The following OPHN1 variants were observed in gnomAD, a reference collection of about 807,000 sequenced individuals.
The protein encoded by OPHN1 is oligophrenin-1.
OPHN1 carries 11 observed loss-of-function variants against 60.7 expected under a neutral mutation model. The observed-to-expected ratio is 0.18, with a 90% CI of 0.11 to 0.30. The LOEUF is 0.30. OPHN1 is among the 10% of genes least tolerant of loss of function. The pLI is 1.00. For missense variants in OPHN1, 449 were observed against 611.0 expected, an observed-to-expected ratio of 0.73 and a Z score of 2.80; for synonymous variants, 226 against 222.6, an observed-to-expected ratio of 1.02 and a Z score of -0.14.
At chrX:68,256,523 A>C (rs2077864505) in intron 5 of OPHN1, among the ~76,000 whole-genome samples, 1 of 111,519 alleles carries the variant, frequency 9.0e-6, no homozygotes, top group South Asian at 3.8e-4. Context: ...CTTAATATAC[A>C]GGCACACCTC....
At chrX:68,171,702 C>T (rs1157347819) in intron 15 of OPHN1, among the ~76,000 whole-genome samples, 1 of 109,569 alleles carries the variant, frequency 9.1e-6, no homozygotes, top group Non-Finnish European at 1.9e-5. Context: ...CACCACTGCA[C>T]TCCAGCCTGG....
At chrX:68,283,759 C>T (rs1228871543) in intron 3 of OPHN1, among the ~76,000 whole-genome samples, 4 of 111,899 alleles carry the variant, frequency 3.6e-5, no homozygotes, top group East Asian at 2.8e-4. Context: ...AGTATATTCT[C>T]GACTGGCATC....
At chrX:68,058,029 C>CAGGCTCGTTACAT (rs775429844) in intron 21 of OPHN1, among the ~76,000 whole-genome samples, 4 of 111,318 alleles carry the variant, frequency 3.6e-5, no homozygotes, top group Non-Finnish European at 7.5e-5. Context: ...GCACAATGTG[C>CAGGCTCGTTACAT]AGGCTCGTTA....
At chrX:68,284,903 C>G (rs1314136726) in intron 3 of OPHN1, among the ~76,000 whole-genome samples, 2 of 111,989 alleles carry the variant, frequency 1.8e-5, no homozygotes, top group Admixed American at 1.9e-4. Context: ...ATTTCACATC[C>G]CACAAATACT....
At chrX:68,242,077 T>C (rs5965526) in intron 5 of OPHN1, among the ~76,000 whole-genome samples, 66,244 of 109,577 alleles carry the variant, frequency 0.6, 17,313 homozygotes, top group East Asian at 0.87. Flanking sequence ...CAATGAAATA[T>C]GACTTCACAG....
intron 15 of OPHN1, among the ~76,000 whole-genome samples, chrX:68,162,416 A>C (rs1295183375): frequency 9.1e-6 from 1 of 110,476 alleles, no homozygotes; most frequent in Non-Finnish European, 1.9e-5. Flanking sequence ...TAAAAAAACT[A>C]AATGAAGAGA....
At chrX:68,105,992 A>G (rs759742125) in intron 18 of OPHN1, among the ~76,000 whole-genome samples, 46 of 108,700 alleles carry the variant, frequency 4.2e-4, no homozygotes, top group African/African-American at 1.5e-3. Context: ...AGTAGACTAA[A>G]GAACAGCATA....
At chrX:68,072,189 G>C (rs1569203367) in intron 20 of OPHN1, among the ~76,000 whole-genome samples, 1 of 112,354 alleles carries the variant, frequency 8.9e-6, no homozygotes, top group Non-Finnish European at 1.9e-5. Context: ...GTTTTGCACA[G>C]TGTAAACTGA....
intron 2 of OPHN1, among the ~76,000 whole-genome samples, chrX:68,327,877 C>T (rs1184306878): frequency 1.0e-5 from 1 of 100,410 alleles, no homozygotes; most frequent in Non-Finnish European, 2.0e-5. Context: ...GGCCAGACTG[C>T]GGACTGCAGG....
chrX:68,217,864 C>A (rs1425400032), intron 6 of OPHN1, among the ~76,000 whole-genome samples: 1 of 102,220 alleles, frequency 9.8e-6, no homozygotes, highest in East Asian at 3.4e-4. Flanking sequence ...CTCTAAAAAG[C>A]AGAGCGCCTC....
At chrX:68,238,501 C>T (rs1483409300) in intron 5 of OPHN1, among the ~76,000 whole-genome samples, 1 of 110,447 alleles carries the variant, frequency 9.1e-6, no homozygotes, top group Non-Finnish European at 1.9e-5. Flanking sequence ...GGAGAATTAA[C>T]ATCTGTATAA....
intron 15 of OPHN1, among the ~76,000 whole-genome samples, chrX:68,173,854 T>C (rs1408956637): frequency 1.8e-5 from 2 of 111,230 alleles, no homozygotes; most frequent in African/African-American, 6.5e-5. Context: ...CAGGAGAGCA[T>C]ATACTATTTA....
At chrX:68,091,450 A>G (rs2077017790) in intron 19 of OPHN1, among the ~76,000 whole-genome samples, 1 of 110,943 alleles carries the variant, frequency 9.0e-6, no homozygotes, top group African/African-American at 3.3e-5. Flanking sequence ...TCTTTTATAA[A>G]CTAGTTGGGA....
intron 15 of OPHN1, among the ~76,000 whole-genome samples, chrX:68,177,565 G>A (rs1460074744): frequency 1.8e-5 from 2 of 110,585 alleles, no homozygotes; most frequent in Non-Finnish European, 3.8e-5. Context: ...ATTGGCTCAC[G>A]GTTCTGCAGG....
intron 12 of OPHN1, among the ~76,000 whole-genome samples, chrX:68,195,558 C>G (rs148751304): frequency 0.01 from 1,123 of 111,717 alleles, 23 homozygotes; most frequent in Admixed American, 0.07. Flanking sequence ...TCCTTCAAGC[C>G]CTGATCTTCT....
chrX:68,203,137 C>A (rs1161239061), intron 10 of OPHN1, among the ~76,000 whole-genome samples: 2 of 110,778 alleles, frequency 1.8e-5, no homozygotes, highest in Non-Finnish European at 3.8e-5. Flanking sequence ...CGCCTGTAAT[C>A]CCAGCTACTT....
At chrX:68,278,334 A>T (rs752043911) in intron 4 of OPHN1, among the ~76,000 whole-genome samples, 8 of 112,293 alleles carry the variant, frequency 7.1e-5, no homozygotes, top group Non-Finnish European at 1.1e-4. Flanking sequence ...CCTTTGAAGT[A>T]AATTTGGCCT....
rs769372944 is a variant in OPHN1 at position 68,267,386 on chromosome X, G to A, written c.384+7352C>T. ...AGGATTAAGAAACTCACTCAAAACCGCTCAACTACATGGAAACTGAACGAC... is the reference window on the plus strand; with the variant it reads ...AGGATTAAGAAACTCACTCAAAACCACTCAACTACATGGAAACTGAACGAC... On this transcript the variant is annotated intron_variant, in intron 5 of 24. Coordinates refer to ENST00000355520, the MANE Select transcript of OPHN1 (RefSeq NM_002547.3). Among the ~76,000 whole-genome samples the A allele has an allele frequency of 6.9e-4, 77 of 111,675 alleles. 1 individual carries two copies. Among genetic ancestry groups the A allele is most frequent in the Middle Eastern group, 9.3e-3 (2 of 214 alleles).
chrX:68,193,059 A>C (rs2077496200), intron 14 of OPHN1, 66 bp from the exon 15 acceptor site: 1 of 865,151 alleles, frequency 1.2e-6, no homozygotes, highest in Non-Finnish European at 1.7e-6. Context: ...CCCTTGGTAC[A>C]CTAGGGTCAA....
Sources: gnomAD v4.1 joint callset for allele counts (sites outside exome capture counted in the v4.1 genomes callset) on GRCh38, gnomAD v4.1.1 for gene constraint, MANE v1.5 for transcripts, NCBI Gene and HGNC (gene_info 2026-07-23, HGNC 2026-07-21) for gene names.